The following BBOF1 variants were observed in gnomAD, a reference collection of about 807,000 sequenced individuals.
The protein encoded by BBOF1 is basal body orientation factor 1, also known as basal body-orientation factor 1.
BBOF1 carries 62 observed loss-of-function variants against 68.0 expected under a neutral mutation model. The observed-to-expected ratio is 0.91, with a 90% CI of 0.74 to 1.13. The LOEUF is 1.13. BBOF1 is among the 50% of genes most tolerant of loss of function. The pLI, the probability that BBOF1 is intolerant of heterozygous loss-of-function variation, is 0.00. For missense variants in BBOF1, 534 were observed against 600.1 expected, an observed-to-expected ratio of 0.89 and a Z score of 1.15; for synonymous variants, 208 against 198.8, an observed-to-expected ratio of 1.05 and a Z score of -0.39.
intron 3 of BBOF1, among the ~76,000 whole-genome samples, chr14:74,030,716 C>G (rs2059545899): frequency 1.3e-5 from 2 of 151,992 alleles, no homozygotes; most frequent in Non-Finnish European, 2.9e-5. Flanking sequence ...AGGATGGTCT[C>G]TCGATCTCCT....
At chr14:74,075,408 G>A (rs1030423039) in intron 9 of BBOF1, among the ~76,000 whole-genome samples, 18 of 152,234 alleles carry the variant, frequency 1.2e-4, no homozygotes, top group African/African-American at 3.6e-4. Context: ...TGTAATCTCA[G>A]CACTTTGGGA....
At chr14:74,076,476 C>T (rs139362352) in intron 9 of BBOF1, among the ~76,000 whole-genome samples, 118 of 152,286 alleles carry the variant, frequency 7.7e-4, no homozygotes, top group African/African-American at 2.7e-3. Context: ...ATTCTCCTGC[C>T]TCAGCCTGCC....
In BBOF1 at chr14:74,019,455, A is replaced by C. The variant is rs765533212; in HGVS notation, c.-24A>C. On this transcript the variant is annotated 5_prime_UTR_variant, in exon 1 of 12. Coordinates refer to ENST00000394009, the MANE Select transcript of BBOF1 (RefSeq NM_025057.3). ...GCGGCCGCGGCTGGGCAACTACGAC[A>C]GCGGAGCCCCTGGGGAAGCCAAGAT... The C allele has an allele frequency of 1.3e-6, 2 of 1,596,788 alleles. No homozygotes were observed. The highest frequency in any genetic ancestry group is 4.5e-5 in the East Asian group (2 of 43,962).
chr14:74,074,093 C>T (rs1379406444), intron 9 of BBOF1, among the ~76,000 whole-genome samples: 1 of 150,244 alleles, frequency 6.7e-6, no homozygotes, highest in Non-Finnish European at 1.5e-5. Flanking sequence ...CAAGCAGTCC[C>T]TCTACCTCAC....
Position 74,049,935 on chromosome 14 carries a change from G to A in BBOF1, c.1026G>A (p.Met342Ile), listed in dbSNP as rs992351067. The A allele has an allele frequency of 6.2e-7, 1 of 1,614,190 alleles. No individual in the cohort carries two copies. The highest frequency in any genetic ancestry group is 1.7e-5 in the Admixed American group (1 of 60,018). The change falls in exon 8 of 12, where the codon ATG becomes ATA. Residue 342 changes from methionine (M) to isoleucine (I), a missense_variant. Physicochemically the swap from Met to Ile is conservative, Grantham distance 10. Transcript: ENST00000394009. ...TTCTTCAGATGAAGGACAGGGAAAT[G>A]AATCGTGTGAAGAAGCTGGCCAAGA... ...QHLLQMKDRE[M>I]NRVKKLAKNI... is the part of the protein sequence containing the mutation.
intron 9 of BBOF1, among the ~76,000 whole-genome samples, chr14:74,074,548 G>A (rs1167422299): frequency 2.6e-5 from 4 of 152,148 alleles, no homozygotes; most frequent in Non-Finnish European, 5.9e-5. Context: ...GCCTCCCAAA[G>A]TGCTGGGACA....
chr14:74,043,623 G>A (rs2059882884), intron 5 of BBOF1, among the ~76,000 whole-genome samples: 1 of 148,968 alleles, frequency 6.7e-6, no homozygotes, highest in Non-Finnish European at 1.5e-5. Flanking sequence ...GGAGTGCAGT[G>A]GCATGATCTC....
chr14:74,068,476 T>G (rs1595120562), downstream of BBOF1, among the ~76,000 whole-genome samples: 1 of 150,794 alleles, frequency 6.6e-6, no homozygotes, highest in Admixed American at 6.6e-5. Context: ...TGGTAAGGCT[T>G]ACGCCTGTAA....
At chr14:74,063,156 C>A (rs183934741) in intron 11 of BBOF1, among the ~76,000 whole-genome samples, 1 of 152,054 alleles carries the variant, frequency 6.6e-6, no homozygotes, top group Non-Finnish European at 1.5e-5. Context: ...GACATATGCA[C>A]CTGTTGGCCG....
At chr14:74,038,402 T>C (rs1156773357) in intron 4 of BBOF1, among the ~76,000 whole-genome samples, 1 of 151,978 alleles carries the variant, frequency 6.6e-6, no homozygotes, top group African/African-American at 2.4e-5. Context: ...GTAGCCCATG[T>C]TGTAATTTTT....
At chr14:74,048,305 T>A in intron 7 of BBOF1, 2 of 386,404 alleles carry the variant, frequency 5.2e-6, no homozygotes, top group Non-Finnish European at 9.2e-6. Flanking sequence ...ATATGACCCT[T>A]ATCCTCTACT....
At position 74,049,666 on chromosome 14, in the gene BBOF1, GA is replaced by G. The variant is rs749025228; in HGVS notation, c.793-26del. On this transcript the variant is annotated intron_variant, in intron 7 of 11. Coordinates refer to ENST00000394009, the MANE Select transcript of BBOF1 (RefSeq NM_025057.3). ...GACAGAGCAAGATTCCATCTCAAAA[GA>G]AAAAAAAAATCACCTCTCATCTTTC... 514 of 1,409,856 alleles carry G rather than the reference GA, an allele frequency of 3.6e-4. 1 individual carries two copies. Among genetic ancestry groups the G allele is most frequent in the Middle Eastern group, 1.2e-3 (6 of 5,204 alleles). 87.3% of individuals were successfully genotyped at this position (1,409,856 alleles called of 1,614,324 possible).
At chr14:74,034,946 G>A (rs982387505) in intron 4 of BBOF1, among the ~76,000 whole-genome samples, 21 of 152,096 alleles carry the variant, frequency 1.4e-4, no homozygotes, top group African/African-American at 4.6e-4. Flanking sequence ...TTTTAAATTA[G>A]CCAGGCACAG....
downstream of BBOF1, chr14:74,067,400 T>C (rs1280262132): frequency 2.5e-6 from 4 of 1,613,646 alleles, no homozygotes; most frequent in Admixed American, 1.7e-5. Flanking sequence ...TCTCAGGTTT[T>C]TGGCATGCTC....
chr14:74,049,997 T>A lies in BBOF1; in HGVS notation c.1088T>A (p.Phe363Tyr). ...GAGAGAACAGAAGTGGAAAGATTCT[T>A]TTTAGATGCTCTGCACCAAGTGAAG... ...LDERTEVERFFLDALHQVKQQ... is the reference protein window; with the variant it reads ...LDERTEVERFYLDALHQVKQQ... The change falls in exon 8 of 12, where the codon TTT becomes TAT. Residue 363 changes from phenylalanine to tyrosine, a missense_variant. Coordinates refer to ENST00000394009, the MANE Select transcript of BBOF1 (RefSeq NM_025057.3). The A allele has an allele frequency of 6.2e-7, 1 of 1,614,128 alleles. No homozygotes were observed. Among genetic ancestry groups the A allele is most frequent in the South Asian group, 1.1e-5 (1 of 91,082 alleles).
In BBOF1 at chr14:74,033,673, G is replaced by A. The variant is rs528798443; in HGVS notation, c.352-355G>A. Among the ~76,000 whole-genome samples, 158 of 152,106 alleles carry A rather than the reference G, an allele frequency of 1.0e-3. 3 individuals are homozygous for A. Among genetic ancestry groups the A allele is most frequent in the African/African-American group, 3.4e-3 (142 of 41,502 alleles). ...GAGTGGATCACGAGGTCAGGAGATC[G>A]AGACCATCCTGGCTAACATGGTGAA... On this transcript the variant is annotated intron_variant, in intron 3 of 11. Transcript: ENST00000394009.
Position 74,055,648 on chromosome 14 carries a change from C to T in BBOF1, c.1351C>T (p.Arg451Ter), listed in dbSNP as rs372260972. ...LTWEQKEKVL[R>*]LLFAKMNGCP... is the part of the protein sequence containing the mutation. ...CTGGGAGCAGAAGGAAAAAGTATTG[C>T]GATTGCTCTTTGCAAAAATGAATGG... The change falls in exon 9 of 12, where the codon CGA (arginine) becomes TGA (stop). Residue 451 changes from arginine (R) to a stop codon, truncating the protein, a stop_gained. Transcript: ENST00000394009. LOFTEE classifies it high-confidence loss of function. 1.9e-5 allele frequency: 30 copies of T among 1,613,618 alleles called. No homozygotes were observed. Among genetic ancestry groups the T allele is most frequent in the South Asian group, 5.5e-5 (5 of 91,044 alleles).
At chr14:74,066,386 T>G (rs1366426732), downstream of BBOF1, among the ~76,000 whole-genome samples, 2 of 152,214 alleles carry the variant, frequency 1.3e-5, no homozygotes, top group African/African-American at 4.8e-5. Context: ...ACATTTTTTT[T>G]GGAACACAGC....
intron 8 of BBOF1, among the ~76,000 whole-genome samples, chr14:74,053,110 TTTAA>T (rs2060106292): frequency 1.3e-5 from 2 of 152,044 alleles, no homozygotes; most frequent in Admixed American, 6.6e-5. Flanking sequence ...GACTTTTTAA[TTTAA>T]TTAATTAATT....
Sources: gnomAD v4.1 joint callset for allele counts (sites outside exome capture counted in the v4.1 genomes callset) on GRCh38, gnomAD v4.1.1 for gene constraint, MANE v1.5 for transcripts, NCBI Gene and HGNC (gene_info 2026-07-23, HGNC 2026-07-21) for gene names.